WDFY4: variants seen among roughly 807,000 people sequenced by gnomAD.
The protein encoded by WDFY4 is WDFY family member 4.
WDFY4 carries 169 observed loss-of-function variants against 351.9 expected under a neutral mutation model. The observed-to-expected ratio is 0.48, with a 90% CI of 0.42 to 0.55. WDFY4 has a LOEUF of 0.55. Among genes scored for constraint, WDFY4 ranks in the 20% least tolerant of loss-of-function variants. The probability of loss-of-function intolerance (pLI) is 0.00; values close to 1 mark genes in which losing one functional copy is unlikely to be tolerated. For synonymous variants in WDFY4, 1,622 were observed against 1,574.6 expected (o/e 1.03, Z -0.71); for missense variants, 3,803 against 3,935.6 (o/e 0.97, Z 0.90).
intron 44 of WDFY4, among the ~76,000 whole-genome samples, chr10:48,897,120 C>T (rs1178365706): frequency 2.6e-5 from 4 of 152,158 alleles, no homozygotes; most frequent in East Asian, 1.9e-4. Context: ...CTTCTCACCC[C>T]GACCCTCATA....
intron 13 of WDFY4, among the ~76,000 whole-genome samples, chr10:48,773,762 A>G (rs952880251): frequency 6.6e-6 from 1 of 152,174 alleles, no homozygotes; most frequent in Non-Finnish European, 1.5e-5. Flanking sequence ...CAGAGACTTT[A>G]GTTGGCCTGC....
intron 1 of WDFY4, among the ~76,000 whole-genome samples, chr10:48,694,903 C>T (rs539990513): frequency 6.6e-6 from 1 of 152,270 alleles, no homozygotes; most frequent in African/African-American, 2.4e-5. Flanking sequence ...CCTCCTCTTG[C>T]CCCACAGCCA....
intron 41 of WDFY4, among the ~76,000 whole-genome samples, chr10:48,873,965 T>C (rs1487886584): frequency 6.6e-6 from 1 of 152,200 alleles, no homozygotes; most frequent in Admixed American, 6.5e-5. Flanking sequence ...TTCTTACCTA[T>C]GCTGCAGGCA....
intron 5 of WDFY4, among the ~76,000 whole-genome samples, chr10:48,723,902 TG>T (rs959401364): frequency 3.3e-5 from 5 of 152,042 alleles, no homozygotes; most frequent in Non-Finnish European, 7.4e-5. Context: ...TGAGTGAGCA[TG>T]GGGTCTGGGG....
intron 47 of WDFY4, among the ~76,000 whole-genome samples, chr10:48,938,804 C>T (rs1030348519): frequency 2.0e-5 from 3 of 152,192 alleles, no homozygotes; most frequent in African/African-American, 7.2e-5. Context: ...GAACTACCCA[C>T]GACGTCCTGA....
At chr10:48,969,999 C>T in intron 56 of WDFY4, 132 bp from the exon 57 acceptor site, 1 of 1,124,172 alleles carries the variant, frequency 8.9e-7, no homozygotes, top group Non-Finnish European at 1.2e-6. Context: ...TCACCAAGAA[C>T]TGGCTCCTGA....
At chr10:48,715,481 G>T (rs537247553) in intron 2 of WDFY4, among the ~76,000 whole-genome samples, 1 of 152,298 alleles carries the variant, frequency 6.6e-6, no homozygotes, top group South Asian at 2.1e-4. Flanking sequence ...CACATTCCTA[G>T]GCTGACTACT....
At chr10:48,704,206 A>G (rs2063560953) in intron 1 of WDFY4, among the ~76,000 whole-genome samples, 2 of 152,102 alleles carry the variant, frequency 1.3e-5, no homozygotes, top group South Asian at 2.1e-4. Context: ...GGAGAAGCCG[A>G]GTCTCAGAGA....
chr10:48,737,918 A>G (rs905337198), intron 11 of WDFY4, among the ~76,000 whole-genome samples: 1 of 152,234 alleles, frequency 6.6e-6, no homozygotes, highest in East Asian at 1.9e-4. Flanking sequence ...GACTAAATTA[A>G]TATTGCATAA....
intron 15 of WDFY4, 86 bp from the exon 16 acceptor site, chr10:48,776,664 G>A (rs1227547999): frequency 7.8e-7 from 1 of 1,280,252 alleles, no homozygotes; most frequent in South Asian, 1.6e-5. Flanking sequence ...TTTCTGGGCT[G>A]CGGCAGATAC....
intron 12 of WDFY4, among the ~76,000 whole-genome samples, chr10:48,746,677 C>G (rs2065024699): frequency 6.6e-6 from 1 of 151,866 alleles, no homozygotes. Context: ...AATTGTGTTT[C>G]CTACCTACTA....
rs2063725365 is a variant in WDFY4, at chr10:48,709,914, G to A, written c.182G>A (p.Ser61Asn). 1 of 1,552,066 alleles carries A rather than the reference G, an allele frequency of 6.4e-7. No individual in the cohort carries two copies. The highest frequency in any genetic ancestry group is 1.4e-5 in the African/African-American group (1 of 73,056). The change falls in exon 2 of 62, where the codon AGC (serine) becomes AAC (asparagine). Residue 61 changes from serine (S) to asparagine (N), a missense_variant. Coordinates refer to ENST00000325239, the MANE Select transcript of WDFY4 (RefSeq NM_001394531.1). ...GAATACCAGCAGTTGACTCACAAGA[G>A]CCCCATTGAGCGTCAGAAGAGCCTG... is the stretch of plus-strand genomic sequence containing the variant. ...FLEYQQLTHK[S>N]PIERQKSLLS... is the part of the protein sequence containing the mutation.
Position 48,810,691 on chromosome 10 carries a change from G to A in WDFY4, c.5000G>A (p.Gly1667Glu). 6.5e-7 allele frequency: 1 copy of A among 1,550,332 alleles called. No individual in the cohort carries two copies. The highest frequency in any genetic ancestry group is 8.7e-7 in the Non-Finnish European group (1 of 1,146,510). Residue 1667 changes from glycine (G) to glutamate (E), a missense_variant, in exon 29 of 62, where the codon GGA (glycine) becomes GAA (glutamate). Gly to Glu is a moderately conservative substitution (Grantham distance 98). Coordinates refer to ENST00000325239, the MANE Select transcript of WDFY4 (RefSeq NM_001394531.1). ...RTRFRDGLCA[G>E]SWVERSTEGV... ...CGGTTTAGAGATGGCCTGTGTGCAG[G>A]ATCCTGGGTGGAACGCAGCACTGAG...
At chr10:48,945,979 G>A (rs183107982) in intron 49 of WDFY4, 61 bp from the exon 50 acceptor site, 8 of 1,130,516 alleles carry the variant, frequency 7.1e-6, no homozygotes, top group South Asian at 3.3e-5. Flanking sequence ...ACTCAAGAGC[G>A]TGGCTCCTAG....
At position 48,709,929 on chromosome 10, in the gene WDFY4, A is replaced by G; in HGVS notation, c.197A>G (p.Gln66Arg). Residue 66 changes from glutamine (Q) to arginine (R), a missense_variant, in exon 2 of 62, where the codon CAG (glutamine) becomes CGG (arginine). Physicochemically the swap from Gln to Arg is conservative, Grantham distance 43. This residue lies in a region of WDFY4 where 488 missense variants were observed against 456.8 expected (regional missense o/e 1.07). Transcript: ENST00000325239. Reference protein sequence around the residue: ...QLTHKSPIERQKSLLSLLPLF... With the variant: ...QLTHKSPIERRKSLLSLLPLF... ...ACTCACAAGAGCCCCATTGAGCGTC[A>G]GAAGAGCCTGTTGAGTCTTCTCCCC... 1 of 1,552,274 alleles carries G rather than the reference A, an allele frequency of 6.4e-7. No individual in the cohort carries two copies. Among genetic ancestry groups the G allele is most frequent in the Non-Finnish European group, 8.7e-7 (1 of 1,147,106 alleles).
intron 1 of WDFY4, among the ~76,000 whole-genome samples, chr10:48,691,469 C>T (rs1464992662): frequency 6.6e-6 from 1 of 152,194 alleles, no homozygotes; most frequent in East Asian, 1.9e-4. Flanking sequence ...TGCTCCCCTG[C>T]TGGCCGGCTG....
At chr10:48,962,473 A>G (rs1841903303) in intron 53 of WDFY4, among the ~76,000 whole-genome samples, 2 of 152,190 alleles carry the variant, frequency 1.3e-5, no homozygotes, top group African/African-American at 4.8e-5. Context: ...TCTATTCAGT[A>G]GAAACAGGTG....
intron 47 of WDFY4, among the ~76,000 whole-genome samples, chr10:48,933,186 G>C (rs1840134823): frequency 6.6e-6 from 1 of 152,142 alleles, no homozygotes; most frequent in Admixed American, 6.5e-5. Flanking sequence ...TTGTATATGT[G>C]GACCAGGCAA....
At chr10:48,769,066 G>T (rs1336698707) in intron 13 of WDFY4, among the ~76,000 whole-genome samples, 1 of 152,198 alleles carries the variant, frequency 6.6e-6, no homozygotes, top group South Asian at 2.1e-4. Context: ...CTGTTTACAG[G>T]ACGAATTGCC....
Sources: allele counts gnomAD v4.1 joint callset (sites outside exome capture counted in the v4.1 genomes callset), GRCh38; gene constraint gnomAD v4.1.1; regional missense constraint gnomAD v4.1.1; transcripts MANE v1.5; gene names NCBI Gene and HGNC (gene_info 2026-07-23, HGNC 2026-07-21).